The following QKI variants were observed in gnomAD, a reference collection of about 807,000 sequenced individuals.
The protein encoded by QKI is QKI, KH domain containing RNA binding, also known as KH domain-containing RNA-binding protein QKI.
QKI carries 10 observed loss-of-function variants against 39.0 expected under a neutral mutation model. The observed-to-expected ratio is 0.26, with a 90% CI of 0.16 to 0.43. The LOEUF (loss-of-function observed/expected upper bound fraction) is 0.43. Among genes scored for constraint, QKI ranks in the 20% least tolerant of loss-of-function variants. QKI has a pLI of 1.00. For synonymous variants in QKI, 204 were observed against 155.4 expected (o/e 1.31, Z -2.33); for missense variants, 218 against 428.0 (o/e 0.51, Z 4.33).
chr6:163,508,625 G>T (rs941077773), intron 3 of QKI, among the ~76,000 whole-genome samples: 8 of 150,454 alleles, frequency 5.3e-5, no homozygotes, highest in Non-Finnish European at 1.0e-4. Context: ...CACCTCCTGA[G>T]CTCAAGCAAT....
At chr6:163,494,923 A>T (rs560960205) in intron 3 of QKI, among the ~76,000 whole-genome samples, 286 of 148,168 alleles carry the variant, frequency 1.9e-3, no homozygotes, top group Middle Eastern at 6.9e-3. Flanking sequence ...TTATTTATTT[A>T]TTTTTTTTTT....
In QKI at chr6:163,487,122, C is replaced by G. The variant is rs541809180; in HGVS notation, c.402+8226C>G. ...CAAGTACAAGTAGGGTTCCAAACAG[C>G]CTGTTTTATCGATCTTGTTGAATAC... On this transcript the variant is annotated intron_variant, in intron 3 of 7. Transcript: ENST00000361752. Among the ~76,000 whole-genome samples the G allele has an allele frequency of 2.0e-5, 3 of 152,112 alleles. No individual in the cohort carries two copies. The South Asian group carries it at 6.2e-4, about 32-fold the overall frequency.
chr6:163,470,897 A>G (rs894190419), intron 2 of QKI, among the ~76,000 whole-genome samples: 1 of 152,126 alleles, frequency 6.6e-6, no homozygotes, highest in Non-Finnish European at 1.5e-5. Flanking sequence ...ATAGTGAGAA[A>G]ATTTAATATA....
chr6:163,536,364 A>G (rs1781210165), intron 4 of QKI, among the ~76,000 whole-genome samples: 1 of 152,214 alleles, frequency 6.6e-6, no homozygotes, highest in South Asian at 2.1e-4. Context: ...TGCTTTAATA[A>G]CATTTTCTTT....
chr6:163,473,056 A>G (rs114224317), intron 2 of QKI, among the ~76,000 whole-genome samples: 1,872 of 152,316 alleles, frequency 0.012, 36 homozygotes, highest in African/African-American at 0.043. Context: ...AAGTAATTCA[A>G]TATATCAGCT....
intron 4 of QKI, among the ~76,000 whole-genome samples, chr6:163,556,168 A>G (rs1039006722): frequency 1.7e-4 from 26 of 152,190 alleles, no homozygotes; most frequent in African/African-American, 5.5e-4. Context: ...AACAATGTAT[A>G]AATTACATTA....
At chr6:163,539,287 G>A (rs1163417612) in intron 4 of QKI, among the ~76,000 whole-genome samples, 1 of 152,116 alleles carries the variant, frequency 6.6e-6, no homozygotes, top group Non-Finnish European at 1.5e-5. Context: ...GGCAAGTAGT[G>A]GTCATTGGTG....
At chr6:163,508,496 T>TC (rs1207323582) in intron 3 of QKI, among the ~76,000 whole-genome samples, 1 of 151,206 alleles carries the variant, frequency 6.6e-6, no homozygotes, top group Non-Finnish European at 1.5e-5. Flanking sequence ...TATCTTTTTT[T>TC]CTTTTTCTTT....
At chr6:163,541,557 C>G (rs1781520427) in intron 4 of QKI, among the ~76,000 whole-genome samples, 1 of 145,306 alleles carries the variant, frequency 6.9e-6, no homozygotes, top group African/African-American at 2.6e-5. Flanking sequence ...GTGTAAAAAT[C>G]TCCATTCATT....
At chr6:163,442,020 A>G (rs1789794439) in intron 1 of QKI, among the ~76,000 whole-genome samples, 1 of 152,196 alleles carries the variant, frequency 6.6e-6, no homozygotes, top group South Asian at 2.1e-4. Context: ...AAATCAGACT[A>G]TCTTTGTGAT....
chr6:163,535,570 C>A (rs937885418), intron 4 of QKI, among the ~76,000 whole-genome samples: 2 of 150,218 alleles, frequency 1.3e-5, no homozygotes, highest in Non-Finnish European at 3.0e-5. Flanking sequence ...TACTGGTTTT[C>A]TGGGCCATTA....
intron 3 of QKI, among the ~76,000 whole-genome samples, chr6:163,509,282 T>A (rs1380623288): frequency 6.6e-6 from 1 of 152,092 alleles, no homozygotes. Context: ...CAGAACTAAT[T>A]GCCAGCAGAT....
chr6:163,530,764 A>G (rs972574862), intron 3 of QKI, among the ~76,000 whole-genome samples: 4 of 152,100 alleles, frequency 2.6e-5, no homozygotes, highest in African/African-American at 9.7e-5. Flanking sequence ...CCAAAACACT[A>G]AAAGAGGTGC....
chr6:163,528,670 A>G (rs956790760), intron 3 of QKI, among the ~76,000 whole-genome samples: 1 of 152,198 alleles, frequency 6.6e-6, no homozygotes, highest in African/African-American at 2.4e-5. Context: ...AATTTATCTC[A>G]CCATAGTATA....
chr6:163,462,623 A>T (rs1376757734), intron 2 of QKI, among the ~76,000 whole-genome samples: 2 of 152,216 alleles, frequency 1.3e-5, no homozygotes, highest in African/African-American at 4.8e-5. Flanking sequence ...TAAAATTTGA[A>T]AAGTAGTTAG....
At chr6:163,489,446 GTGTGTGTGTGT>G (rs1223646178) in intron 3 of QKI, among the ~76,000 whole-genome samples, 2 of 148,502 alleles carry the variant, frequency 1.3e-5, no homozygotes, top group Non-Finnish European at 3.0e-5. Context: ...GTGTGTGTGT[GTGTGTGTGTGT>G]TGTGTGTAAA....
rs569579047 is a variant in QKI at position 163,455,054 on chromosome 6, AT to A, written c.143-224del. On this transcript the variant is annotated intron_variant, in intron 1 of 7. Transcript: ENST00000361752. Reference sequence around the variant, plus strand: ...GGCTTTGAAGTTAATTTAATAAGATATGTTATTTGATTCGTATAAAAATTGG... The same window carrying A: ...GGCTTTGAAGTTAATTTAATAAGATAGTTATTTGATTCGTATAAAAATTGG... 6.0e-4 allele frequency among the ~76,000 whole-genome samples: 92 copies of A among 152,294 alleles called. 1 individual carries two copies. The South Asian group carries it at 8.5e-3, about 14-fold the overall frequency.
intron 4 of QKI, among the ~76,000 whole-genome samples, chr6:163,549,919 TTTC>T (rs569855398): frequency 1.0e-3 from 154 of 152,316 alleles, no homozygotes; most frequent in African/African-American, 3.4e-3. Context: ...TGAACAAATA[TTTC>T]TTAACATTGT....
intron 3 of QKI, among the ~76,000 whole-genome samples, chr6:163,483,210 T>C (rs900402738): frequency 2.0e-5 from 3 of 152,162 alleles, no homozygotes; most frequent in African/African-American, 7.2e-5. Context: ...TGCTGAAAAA[T>C]GCTAATGATC....
Sources: gnomAD v4.1 joint callset for allele counts (sites outside exome capture counted in the v4.1 genomes callset) on GRCh38, gnomAD v4.1.1 for gene constraint, MANE v1.5 for transcripts, NCBI Gene and HGNC (gene_info 2026-07-23, HGNC 2026-07-21) for gene names.